Variants in ADGRL2 observed in about 807,000 individuals in gnomAD.
ADGRL2 encodes the protein adhesion G protein-coupled receptor L2.
Under a neutral mutation model 157.4 loss-of-function variants are expected in ADGRL2, and 44 were observed. That is an observed-to-expected ratio of 0.28 (90% confidence interval 0.22 to 0.36). ADGRL2 has a LOEUF of 0.36. Among genes scored for constraint, ADGRL2 ranks in the 10% least tolerant of loss-of-function variants. The pLI is 1.00. For missense variants in ADGRL2, 1,510 were observed against 1,768.9 expected, an observed-to-expected ratio of 0.85 and a Z score of 2.63; for synonymous variants, 585 against 624.7, an observed-to-expected ratio of 0.94 and a Z score of 0.95.
upstream of ADGRL2, among the ~76,000 whole-genome samples, chr1:81,797,400 T>C (rs1211977996): frequency 2.6e-5 from 4 of 152,194 alleles, no homozygotes; most frequent in African/African-American, 9.6e-5. Context: ...CCCTCCTTAA[T>C]AGTTTTCTAT....
chr1:81,469,970 A>T (rs975766663), intron 2 of ADGRL2, among the ~76,000 whole-genome samples: 1 of 152,198 alleles, frequency 6.6e-6, no homozygotes, highest in African/African-American at 2.4e-5. Context: ...AGCCATGCTT[A>T]ATAAATGTTT....
chr1:81,483,611 A>T (rs907670363), intron 2 of ADGRL2, among the ~76,000 whole-genome samples: 2 of 152,210 alleles, frequency 1.3e-5, no homozygotes, highest in African/African-American at 4.8e-5. Context: ...CAATGTACAA[A>T]CAGAATCAAG....
chr1:81,723,112 A>G (rs1034236518), intron 1 of ADGRL2: 1 of 675,284 alleles, frequency 1.5e-6, no homozygotes, highest in African/African-American at 1.8e-5. Flanking sequence ...AGGAAAAGCA[A>G]CCTAGATTAC....
chr1:81,991,557 G>A lies in ADGRL2; in HGVS notation c.*412G>A. 1 of 156,562 alleles carries A rather than the reference G, an allele frequency of 6.4e-6. No homozygotes were observed. Among genetic ancestry groups the A allele is most frequent in the South Asian group, 2.0e-4 (1 of 5,108 alleles). The allele number at this position is 156,562 out of a possible 1,614,324, so 9.7% of individuals were successfully genotyped here. A position where few individuals can be genotyped will look rare whatever the true frequency, so the allele number is the denominator to read the frequency against. ...AGACGTAGGCTTTAAAATCCTGTGG[G>A]ACAAATTTACTGTACCTTACTATTC... On this transcript the variant is annotated 3_prime_UTR_variant, in exon 24 of 24. Transcript: ENST00000686636.
intron 1 of ADGRL2, among the ~76,000 whole-genome samples, chr1:81,359,318 G>A (rs1269664431): frequency 6.6e-6 from 1 of 152,084 alleles, no homozygotes; most frequent in Non-Finnish European, 1.5e-5. Flanking sequence ...GTCAACTGGA[G>A]ACAGAGTGGT....
chr1:81,503,079 G>T, intron 2 of ADGRL2: 1 of 1,609,270 alleles, frequency 6.2e-7, no homozygotes, highest in South Asian at 1.1e-5. Flanking sequence ...TGGAGTCAGG[G>T]GAGCCTGCTG....
chr1:81,381,609 T>C (rs1012388481), intron 1 of ADGRL2, among the ~76,000 whole-genome samples: 3 of 152,152 alleles, frequency 2.0e-5, no homozygotes, highest in African/African-American at 7.2e-5. Context: ...CTTCTTTTTC[T>C]TTCAGTATTT....
intron 2 of ADGRL2, among the ~76,000 whole-genome samples, chr1:81,578,099 G>T (rs921724531): frequency 1.3e-5 from 2 of 152,116 alleles, no homozygotes; most frequent in African/African-American, 2.4e-5. Flanking sequence ...CCTTGAAATT[G>T]CACAGTGACT....
At chr1:81,722,556 G>T in intron 1 of ADGRL2, 1 of 1,516,702 alleles carries the variant, frequency 6.6e-7, no homozygotes, top group South Asian at 1.1e-5. Flanking sequence ...CTTACAAATG[G>T]CGAGGGAAAG....
intron 3 of ADGRL2, among the ~76,000 whole-genome samples, chr1:81,661,035 T>A (rs2082639667): frequency 6.6e-6 from 1 of 152,214 alleles, no homozygotes; most frequent in African/African-American, 2.4e-5. Context: ...TATTAACAAA[T>A]TTTTCTTTGC....
At chr1:81,712,148 T>A (rs955693457) in intron 1 of ADGRL2, among the ~76,000 whole-genome samples, 32 of 152,238 alleles carry the variant, frequency 2.1e-4, no homozygotes, top group Non-Finnish European at 3.8e-4. Context: ...GCAACTGGAT[T>A]AAAAAAATAT....
chr1:81,619,996 T>C (rs1417379023), intron 3 of ADGRL2, among the ~76,000 whole-genome samples: 1 of 152,140 alleles, frequency 6.6e-6, no homozygotes, highest in East Asian at 1.9e-4. Flanking sequence ...AGTAAATGAA[T>C]ACATACAAAG....
At chr1:81,821,121 AGTT>A (rs879702327) in intron 1 of ADGRL2, among the ~76,000 whole-genome samples, 3 of 152,194 alleles carry the variant, frequency 2.0e-5, no homozygotes, top group Admixed American at 6.5e-5. Flanking sequence ...TCAATACTGT[AGTT>A]GTGAATTTTA....
In ADGRL2 at chr1:81,624,011, G is replaced by A. The variant is rs138409257; in HGVS notation, c.-143+43031G>A. Among the ~76,000 whole-genome samples, 132 of 152,220 alleles carry A rather than the reference G, an allele frequency of 8.7e-4. 1 individual carries two copies. Among genetic ancestry groups the A allele is most frequent in the African/African-American group, 2.1e-3 (86 of 41,542 alleles). On this transcript the variant is annotated intron_variant, in intron 3 of 24. Transcript: ENST00000370721. ...AGACACACACAGGGAAGGAGGCCAC[G>A]TGAGGATGGAGGCAAAGATTGGAGC... is the stretch of plus-strand genomic sequence containing the variant.
chr1:81,327,233 G>T (rs1351453919), intron 1 of ADGRL2, among the ~76,000 whole-genome samples: 1 of 152,148 alleles, frequency 6.6e-6, no homozygotes, highest in Admixed American at 6.5e-5. Context: ...AATTAAGTTT[G>T]CTGAGAATGG....
intron 2 of ADGRL2, among the ~76,000 whole-genome samples, chr1:81,853,801 C>G (rs1169914919): frequency 6.6e-6 from 1 of 151,844 alleles, no homozygotes; most frequent in East Asian, 1.9e-4. Context: ...TCATAATATA[C>G]TATGATGTTT....
intron 3 of ADGRL2, among the ~76,000 whole-genome samples, chr1:81,651,470 T>C (rs1252095759): frequency 6.6e-6 from 1 of 152,144 alleles, no homozygotes; most frequent in Non-Finnish European, 1.5e-5. Flanking sequence ...GGTCTTTCAG[T>C]AAGCAAAATT....
chr1:81,467,377 C>G (rs2101844538), intron 2 of ADGRL2, among the ~76,000 whole-genome samples: 1 of 152,166 alleles, frequency 6.6e-6, no homozygotes, highest in South Asian at 2.1e-4. Flanking sequence ...AAATCTCGTC[C>G]CCCTCTTTAA....
At chr1:81,356,819 G>T (rs1663327746) in intron 1 of ADGRL2, among the ~76,000 whole-genome samples, 1 of 151,804 alleles carries the variant, frequency 6.6e-6, no homozygotes, top group Non-Finnish European at 1.5e-5. Context: ...CGAGCGTGGT[G>T]GTGGGAGCCT....
Sources: gnomAD v4.1 joint callset for allele counts (sites outside exome capture counted in the v4.1 genomes callset) on GRCh38, gnomAD v4.1.1 for gene constraint, MANE v1.5 for transcripts, NCBI Gene and HGNC (gene_info 2026-07-23, HGNC 2026-07-21) for gene names.